Variants in CACNA2D2 observed in about 807,000 individuals in gnomAD.
CACNA2D2 encodes voltage-dependent calcium channel subunit alpha-2/delta-2.
A neutral mutation model predicts 166.4 loss-of-function variants in CACNA2D2; 48 were observed. The observed-to-expected ratio is 0.29, with a 90% CI of 0.23 to 0.37. The LOEUF (loss-of-function observed/expected upper bound fraction) is 0.37. Ranked by LOEUF, CACNA2D2 falls within the 10% of genes least tolerant of loss-of-function variation. The pLI, the probability that CACNA2D2 is intolerant of heterozygous loss-of-function variation, is 1.00. For synonymous variants in CACNA2D2, 561 were observed against 573.7 expected, an observed-to-expected ratio of 0.98 and a Z score of 0.32; for missense variants, 1,122 against 1,433.0, an observed-to-expected ratio of 0.78 and a Z score of 3.50.
At position 50,503,436 on chromosome 3, in the gene CACNA2D2, G is replaced by C. The variant is rs1699070207; in HGVS notation, c.-13C>G. ...CCGGCACCGCCATGTTTCCATTCAA[G>C]ATGCGGCGCCGCGGGGAGGGGGGGC... On this transcript the variant is annotated 5_prime_UTR_variant, in exon 1 of 38. The change creates a new upstream start codon in the 5' untranslated region. Coordinates refer to ENST00000424201, the MANE Select transcript of CACNA2D2 (RefSeq NM_006030.4). The C allele has an allele frequency of 5.3e-6, 1 of 187,698 alleles. No individual in the cohort carries two copies. Among genetic ancestry groups the C allele is most frequent in the Admixed American group, 6.3e-5 (1 of 15,860 alleles). 11.6% of individuals were successfully genotyped at this position (187,698 alleles called of 1,614,324 possible). A position where few individuals can be genotyped will look rare whatever the true frequency, so the allele number is the denominator to read the frequency against.
At chr3:50,503,067 G>A (rs1699048737) in intron 1 of CACNA2D2, 151 bp downstream of exon 1, 1 of 349,514 alleles carries the variant, frequency 2.9e-6, no homozygotes. Context: ...GCCAGCCTTC[G>A]GGGCTTGGGG....
rs1704275287 is a variant in CACNA2D2, at chr3:50,366,251, T to C, written c.2709+16A>G. 7 of 1,614,050 alleles carry C rather than the reference T, an allele frequency of 4.3e-6. No individual in the cohort carries two copies. The highest frequency in any genetic ancestry group is 5.9e-6 in the Non-Finnish European group (7 of 1,179,958). On this transcript the variant is annotated intron_variant, in intron 31 of 37. Transcript: ENST00000424201. This position sits in a 1 kb window ranked among gnomAD's most constrained non-coding sequence, Gnocchi z 5.9. ...AAATCCCTACTCTCTTCTTTCACTC[T>C]CTTCCTGATCCTCACCTGGTCCCAC...
chr3:50,423,132 T>C (rs186835661), intron 3 of CACNA2D2, among the ~76,000 whole-genome samples: 1 of 152,350 alleles, frequency 6.6e-6, no homozygotes, highest in African/African-American at 2.4e-5. Context: ...CCCTGGCCTA[T>C]GCCTACGCAG....
chr3:50,393,065 C>A (rs1274814259), intron 4 of CACNA2D2, among the ~76,000 whole-genome samples: 2 of 152,160 alleles, frequency 1.3e-5, no homozygotes, highest in Non-Finnish European at 2.9e-5. Context: ...AGATTTAGGG[C>A]TTGGAGCATA....
At chr3:50,447,989 T>C (rs1173224672) in intron 2 of CACNA2D2, among the ~76,000 whole-genome samples, 1 of 152,154 alleles carries the variant, frequency 6.6e-6, no homozygotes, top group Non-Finnish European at 1.5e-5. Flanking sequence ...ATCCTCAACC[T>C]GGCCTCTGGA....
chr3:50,404,379 C>T (rs575371656), intron 3 of CACNA2D2, among the ~76,000 whole-genome samples: 1 of 152,286 alleles, frequency 6.6e-6, no homozygotes, highest in East Asian at 1.9e-4. Context: ...CCAGCTGCTG[C>T]CAGGTCAGTA....
chr3:50,472,432 C>T (rs918663121), intron 2 of CACNA2D2, among the ~76,000 whole-genome samples: 1 of 152,162 alleles, frequency 6.6e-6, no homozygotes, highest in African/African-American at 2.4e-5. Context: ...ATGGCTGTCT[C>T]GGGTTCCTGC....
Position 50,379,254 on chromosome 3 carries a change from AG to A in CACNA2D2, c.1153-56del. On this transcript the variant is annotated intron_variant, in intron 11 of 37. Coordinates refer to ENST00000424201, the MANE Select transcript of CACNA2D2 (RefSeq NM_006030.4). The surrounding 1 kb of genome is among the most constrained non-coding windows in gnomAD (Gnocchi z 6.5). ...TCTCAGCCCTCCCTGGTCCAGGGGC[AG>A]GGCCTCCCTCCCGCAGTGGGCCTGG... 1 of 1,518,034 alleles carries A rather than the reference AG, an allele frequency of 6.6e-7. No homozygotes were observed. Among genetic ancestry groups the A allele is most frequent in the Non-Finnish European group, 9.1e-7 (1 of 1,094,210 alleles). The allele number at this position is 1,518,034 out of a possible 1,614,324, so 94.0% of individuals were successfully genotyped here.
At chr3:50,415,252 G>A (rs1020763538) in intron 3 of CACNA2D2, among the ~76,000 whole-genome samples, 2 of 152,250 alleles carry the variant, frequency 1.3e-5, no homozygotes, top group Admixed American at 6.5e-5. Flanking sequence ...GCAGTGTCCT[G>A]GGTCTGCAAT....
At chr3:50,489,145 C>T (rs1698414895) in intron 1 of CACNA2D2, among the ~76,000 whole-genome samples, 1 of 152,180 alleles carries the variant, frequency 6.6e-6, no homozygotes, top group South Asian at 2.1e-4. Flanking sequence ...AATGTGATCC[C>T]ATCATAAAGA....
intron 2 of CACNA2D2, among the ~76,000 whole-genome samples, chr3:50,446,331 T>C (rs1393664519): frequency 6.6e-6 from 1 of 152,220 alleles, no homozygotes; most frequent in African/African-American, 2.4e-5. Context: ...GTTGTCCTTA[T>C]TTTACAGATG....
At chr3:50,482,401 T>TAGATCC (rs1698091520) in intron 1 of CACNA2D2, among the ~76,000 whole-genome samples, 1 of 152,220 alleles carries the variant, frequency 6.6e-6, no homozygotes, top group Non-Finnish European at 1.5e-5. Flanking sequence ...ACTGAGTGCC[T>TAGATCC]AGATCCAGCC....
chr3:50,463,045 T>A (rs1709662996), intron 2 of CACNA2D2, among the ~76,000 whole-genome samples: 1 of 152,162 alleles, frequency 6.6e-6, no homozygotes, highest in Non-Finnish European at 1.5e-5. Context: ...GCGACATCAC[T>A]ACTTCTGTTT....
intron 4 of CACNA2D2, among the ~76,000 whole-genome samples, chr3:50,393,828 A>G (rs1472100157): frequency 6.6e-6 from 1 of 152,112 alleles, no homozygotes. Flanking sequence ...GAATCTGAAC[A>G]CCTTATCTGG....
Position 50,366,928 on chromosome 3 carries a change from G to GAGAGCAAGGGACCATC in CACNA2D2, c.2501-25_2501-10dup. On this transcript the variant is annotated splice_polypyrimidine_tract_variant and intron_variant, in intron 28 of 37. Transcript: ENST00000424201. The surrounding 1 kb of genome is among the most constrained non-coding windows in gnomAD (Gnocchi z 5.9). ...CAGCTTGACGCCCACCACTTTGGGG[G>GAGAGCAAGGGACCATC]AGAGCAAGGGACCATCAGTGCTACC... is the stretch of plus-strand genomic sequence containing the variant. The GAGAGCAAGGGACCATC allele has an allele frequency of 1.2e-6, 2 of 1,613,730 alleles. No homozygotes were observed. Among genetic ancestry groups the GAGAGCAAGGGACCATC allele is most frequent in the South Asian group, 2.2e-5 (2 of 91,082 alleles).
intron 3 of CACNA2D2, among the ~76,000 whole-genome samples, chr3:50,429,863 AC>A (rs953093311): frequency 6.6e-6 from 1 of 151,710 alleles, no homozygotes; most frequent in African/African-American, 2.4e-5. Flanking sequence ...ACCCCTGCTG[AC>A]CCCCCGAGAA....
chr3:50,488,731 G>A (rs1575771665), intron 1 of CACNA2D2, among the ~76,000 whole-genome samples: 1 of 151,384 alleles, frequency 6.6e-6, no homozygotes, highest in African/African-American at 2.4e-5. Flanking sequence ...ACAGAGTCTC[G>A]CTCTGTTGCC....
chr3:50,404,543 T>C (rs1166513963), intron 3 of CACNA2D2, among the ~76,000 whole-genome samples: 1 of 152,138 alleles, frequency 6.6e-6, no homozygotes. Context: ...TGCATTCTCC[T>C]GACATGCCCC....
intron 1 of CACNA2D2, among the ~76,000 whole-genome samples, chr3:50,478,242 G>A (rs528013417): frequency 1.2e-4 from 19 of 152,358 alleles, no homozygotes; most frequent in Non-Finnish European, 2.4e-4. Context: ...GGAGGGCAAA[G>A]GGCAGCAGAA....
Sources: allele counts gnomAD v4.1 joint callset (sites outside exome capture counted in the v4.1 genomes callset), GRCh38; gene constraint gnomAD v4.1.1; non-coding constraint Gnocchi (gnomAD v3.1); transcripts MANE v1.5; gene names NCBI Gene and HGNC (gene_info 2026-07-23, HGNC 2026-07-21).